SGCD: variants seen among roughly 807,000 people sequenced by gnomAD.
SGCD encodes sarcoglycan delta.
Under a neutral mutation model 36.6 loss-of-function variants are expected in SGCD, and 18 were observed. The observed-to-expected ratio is 0.49, with a 90% confidence interval of 0.34 to 0.73. SGCD has a LOEUF of 0.73. Among genes scored for constraint, SGCD ranks in the 30% least tolerant of loss-of-function variants. The pLI is 0.01. For missense variants in SGCD, 387 were observed against 346.7 expected, an observed-to-expected ratio of 1.12 and a Z score of -0.92; for synonymous variants, 133 against 130.6, an observed-to-expected ratio of 1.02 and a Z score of -0.12.
chr5:155,825,728 G>GT, the SGCD span, among the ~76,000 whole-genome samples: 490 of 147,086 alleles, frequency 3.3e-3, 7 homozygotes, highest in Middle Eastern at 7.2e-3. Flanking sequence ...TTTATTATTT[G>GT]TTTTTTTTTT....
At chr5:156,397,430 A>T (rs1771918244) in intron 3 of SGCD, among the ~76,000 whole-genome samples, 2 of 152,210 alleles carry the variant, frequency 1.3e-5, no homozygotes. Context: ...ATTGGATTTG[A>T]CCCACAGGCT....
At chr5:156,537,938 T>C (rs1758189702) in intron 4 of SGCD, among the ~76,000 whole-genome samples, 1 of 152,154 alleles carries the variant, frequency 6.6e-6, no homozygotes, top group Non-Finnish European at 1.5e-5. Context: ...CCGTCTTTTC[T>C]TCCTGTGAGG....
chr5:155,850,072 G>A, the SGCD span, among the ~76,000 whole-genome samples: 1 of 151,730 alleles, frequency 6.6e-6, no homozygotes. Flanking sequence ...TGGCTGTAAA[G>A]GGAACATTGG....
chr5:156,468,410 A>C (rs1217827277), intron 3 of SGCD, among the ~76,000 whole-genome samples: 1 of 151,898 alleles, frequency 6.6e-6, no homozygotes, highest in Non-Finnish European at 1.5e-5. Flanking sequence ...GAGATTTTAC[A>C]TGTAAAGTCC....
chr5:156,338,101 G>T (rs1237086754), intron 2 of SGCD, among the ~76,000 whole-genome samples: 1 of 152,104 alleles, frequency 6.6e-6, no homozygotes, highest in Non-Finnish European at 1.5e-5. Flanking sequence ...AATTTTACAG[G>T]CCCAAAAGAA....
chr5:155,975,600 C>G (rs368459342), intron 1 of SGCD, among the ~76,000 whole-genome samples: 1 of 29,862 alleles, frequency 3.3e-5, no homozygotes, highest in Non-Finnish European at 7.8e-5. Context: ...ATTTATTTTT[C>G]TTTCTTTCCT....
At chr5:156,315,513 A>C (rs955960557) in intron 3 of SGCD, among the ~76,000 whole-genome samples, 1 of 152,012 alleles carries the variant, frequency 6.6e-6, no homozygotes, top group African/African-American at 2.4e-5. Flanking sequence ...ATAATGCTGC[A>C]AAGAACATGG....
intron 1 of SGCD, among the ~76,000 whole-genome samples, chr5:155,930,314 T>G (rs1350040446): frequency 1.3e-5 from 2 of 152,170 alleles, no homozygotes; most frequent in Non-Finnish European, 2.9e-5. Flanking sequence ...TGATGTGCAG[T>G]AAATGAAATG....
the SGCD span, among the ~76,000 whole-genome samples, chr5:155,864,836 C>T: frequency 6.6e-6 from 1 of 152,266 alleles, no homozygotes; most frequent in South Asian, 2.1e-4. Flanking sequence ...AAATGCTTAT[C>T]TTAGGAAAAA....
intron 6 of SGCD, among the ~76,000 whole-genome samples, chr5:156,628,148 C>T (rs577434469): frequency 2.0e-5 from 3 of 152,060 alleles, no homozygotes; most frequent in Admixed American, 2.0e-4. Flanking sequence ...GTGCCACACA[C>T]TTTTAAATGA....
chr5:156,123,235 A>G (rs933473305), intron 2 of SGCD, among the ~76,000 whole-genome samples: 1 of 152,156 alleles, frequency 6.6e-6, no homozygotes, highest in African/African-American at 2.4e-5. Flanking sequence ...CAGAGTATAA[A>G]TGGTATCTCA....
At chr5:155,774,411 G>A in the SGCD span, among the ~76,000 whole-genome samples, 3 of 152,124 alleles carry the variant, frequency 2.0e-5, no homozygotes, top group Non-Finnish European at 4.4e-5. Flanking sequence ...TACTGTTGCT[G>A]TAACAGATCA....
the SGCD span, among the ~76,000 whole-genome samples, chr5:155,792,369 G>A: frequency 8.0e-6 from 1 of 124,682 alleles, no homozygotes; most frequent in East Asian, 2.4e-4. Context: ...GTCCCCAAAA[G>A]CAATGAAAAC....
At chr5:156,716,281 C>T (rs1336240835) in intron 7 of SGCD, among the ~76,000 whole-genome samples, 1 of 152,198 alleles carries the variant, frequency 6.6e-6, no homozygotes, top group Non-Finnish European at 1.5e-5. Flanking sequence ...TTATTTTACT[C>T]AAACCTCACC....
At position 156,247,286 on chromosome 5, in the gene SGCD, T is replaced by C. The variant is rs565424663; in HGVS notation, c.-43-82248T>C. Among the ~76,000 whole-genome samples the C allele has an allele frequency of 2.0e-5, 3 of 152,332 alleles. 1 individual carries two copies. The East Asian group carries it at 5.8e-4, about 29-fold the overall frequency. ...CCTCTTGAGAAAGCTTCCCGTTTTT[T>C]GAAACTCATGATGAGACTCAGTGTA... is the stretch of plus-strand genomic sequence containing the variant. On this transcript the variant is annotated intron_variant, in intron 3 of 9. Transcript: ENST00000517913.
chr5:155,840,024 G>A, the SGCD span, among the ~76,000 whole-genome samples: 1,350 of 151,358 alleles, frequency 8.9e-3, 21 homozygotes, highest in African/African-American at 0.031. Context: ...GATTGAATGT[G>A]CCTGAATTGC....
At chr5:156,210,127 A>T (rs1377007532) in intron 3 of SGCD, among the ~76,000 whole-genome samples, 2 of 152,076 alleles carry the variant, frequency 1.3e-5, no homozygotes, top group Non-Finnish European at 2.9e-5. Flanking sequence ...ACTCCTATAG[A>T]CCTAAGCTCA....
chr5:156,247,677 T>C (rs1481348451), intron 3 of SGCD, among the ~76,000 whole-genome samples: 3 of 152,194 alleles, frequency 2.0e-5, no homozygotes, highest in African/African-American at 7.2e-5. Flanking sequence ...TAGAATATGG[T>C]CCTAATTAGT....
At chr5:155,967,122 T>A (rs1581016917) in intron 1 of SGCD, among the ~76,000 whole-genome samples, 1 of 152,046 alleles carries the variant, frequency 6.6e-6, no homozygotes, top group Non-Finnish European at 1.5e-5. Context: ...CTAGAATCCC[T>A]CATTGTTTCA....
Sources: allele counts gnomAD v4.1 joint callset (sites outside exome capture counted in the v4.1 genomes callset), GRCh38; gene constraint gnomAD v4.1.1; transcripts MANE v1.5; gene names NCBI Gene and HGNC (gene_info 2026-07-23, HGNC 2026-07-21).